Variants in CDC42BPA observed in about 807,000 individuals in gnomAD.
CDC42BPA encodes the protein serine/threonine-protein kinase MRCK alpha.
Under a neutral mutation model 223.5 loss-of-function variants are expected in CDC42BPA, and 80 were observed. The ratio of observed to expected loss-of-function variants is 0.36; its 90% confidence interval spans 0.30 to 0.43. CDC42BPA has a LOEUF of 0.43. CDC42BPA is among the 20% of genes least tolerant of loss of function. The pLI is 1.00. For synonymous variants in CDC42BPA, 694 were observed against 718.6 expected (o/e 0.97, Z 0.55); for missense variants, 1,743 against 2,099.9 (o/e 0.83, Z 3.32).
intron 2 of CDC42BPA, among the ~76,000 whole-genome samples, chr1:227,236,713 C>T (rs961960723): frequency 2.6e-5 from 4 of 152,080 alleles, no homozygotes; most frequent in African/African-American, 9.7e-5. Context: ...ACAGCCCTAC[C>T]CGATCACAAC....
chr1:227,287,119 G>C (rs954751995), intron 1 of CDC42BPA, among the ~76,000 whole-genome samples: 3 of 152,162 alleles, frequency 2.0e-5, no homozygotes, highest in Non-Finnish European at 4.4e-5. Context: ...CTACATCAAT[G>C]CTTGCTGATA....
intron 2 of CDC42BPA, among the ~76,000 whole-genome samples, chr1:227,241,956 T>C (rs1406352475): frequency 6.6e-6 from 1 of 152,124 alleles, no homozygotes; most frequent in African/African-American, 2.4e-5. Context: ...ACTTTCCAAA[T>C]TGTCTTATGA....
intron 24 of CDC42BPA, 127 bp from the exon 25 acceptor site, chr1:227,035,734 G>T: frequency 4.9e-6 from 3 of 613,440 alleles, no homozygotes; most frequent in East Asian, 6.4e-5. Context: ...TTAAATAACT[G>T]TTTTATCATT....
Position 227,033,425 on chromosome 1 carries a change from A to G in CDC42BPA, c.3477-10T>C. The G allele has an allele frequency of 1.3e-6, 2 of 1,599,202 alleles. No homozygotes were observed. The highest frequency in any genetic ancestry group is 1.7e-6 in the Non-Finnish European group (2 of 1,166,362). ...AGAAAATTCTTCATCCCTGAACGAA[A>G]AGCAAAGCATTAAAAGTTACTATAT... On this transcript the variant is annotated splice_polypyrimidine_tract_variant and intron_variant, in intron 26 of 36. Coordinates refer to ENST00000366766, the MANE Select transcript of CDC42BPA (RefSeq NM_001394014.1).
intron 5 of CDC42BPA, 39 bp downstream of exon 5, chr1:227,193,747 T>G: frequency 6.7e-7 from 1 of 1,501,140 alleles, no homozygotes; most frequent in Non-Finnish European, 9.0e-7. Flanking sequence ...AGATATTACA[T>G]GGTAACTCAC....
chr1:227,076,547 G>A (rs1352286835), intron 17 of CDC42BPA, among the ~76,000 whole-genome samples: 3 of 152,100 alleles, frequency 2.0e-5, no homozygotes, highest in South Asian at 2.1e-4. Context: ...GTGAGCCACC[G>A]CACCTGGCCC....
At position 227,273,876 on chromosome 1, in the gene CDC42BPA, CA is replaced by C. The variant is rs1411361281; in HGVS notation, c.179-19722del. Reference sequence around the variant, plus strand: ...AACAAGGAAAAAAAAAAAAAAAACACAAATAACCCAAAGCTCTTGGAACAGC... The same window carrying C: ...AACAAGGAAAAAAAAAAAAAAAACACAATAACCCAAAGCTCTTGGAACAGC... On this transcript the variant is annotated intron_variant, in intron 1 of 36. Coordinates refer to ENST00000366766, the MANE Select transcript of CDC42BPA (RefSeq NM_001394014.1). 8.4e-4 allele frequency among the ~76,000 whole-genome samples: 112 copies of C among 134,086 alleles called. 1 individual carries two copies. Among genetic ancestry groups the C allele is most frequent in the African/African-American group, 2.9e-3 (107 of 36,422 alleles). 88.0% of individuals were successfully genotyped at this position (134,086 alleles called of 152,430 possible). A position where few individuals can be genotyped will look rare whatever the true frequency, so the allele number is the denominator to read the frequency against.
chr1:227,005,852 G>T (rs979095092), intron 34 of CDC42BPA, among the ~76,000 whole-genome samples: 1 of 152,120 alleles, frequency 6.6e-6, no homozygotes, highest in African/African-American at 2.4e-5. Context: ...TAGGAAAATA[G>T]GCCACAGAAT....
chr1:227,113,384 C>T (rs1459672826), intron 12 of CDC42BPA, among the ~76,000 whole-genome samples: 5 of 152,186 alleles, frequency 3.3e-5, no homozygotes, highest in African/African-American at 7.2e-5. Context: ...AGTACCACTA[C>T]CTGCCTCCCA....
chr1:227,184,764 G>A (rs769355784), intron 5 of CDC42BPA, among the ~76,000 whole-genome samples: 26 of 150,772 alleles, frequency 1.7e-4, no homozygotes, highest in Non-Finnish European at 3.1e-4. Context: ...GAAAGAACAT[G>A]AAAAAAAAAT....
In CDC42BPA at chr1:227,199,637, C is replaced by G; in HGVS notation, c.370G>C (p.Glu124Gln). 1 of 1,602,944 alleles carries G rather than the reference C, an allele frequency of 6.2e-7. No homozygotes were observed. Among genetic ancestry groups the G allele is most frequent in the Non-Finnish European group, 8.5e-7 (1 of 1,171,752 alleles). The change falls in exon 4 of 37, where the codon GAA (glutamate) becomes CAA (glutamine). Residue 124 changes from glutamate (E) to glutamine (Q), a missense_variant. Around this residue, in one of 6 missense-constraint regions of CDC42BPA, gnomAD observed 321 missense variants for 488.7 expected, o/e 0.66. Coordinates refer to ENST00000366766, the MANE Select transcript of CDC42BPA (RefSeq NM_001394014.1). ...LKRAETACFR[E>Q]ERDVLVNGDN... ...CCATTCACTAATACATCCCTTTCTT[C>G]ACGAAAACATGCTGTCTGAAACACA... is the stretch of plus-strand genomic sequence containing the variant.
chr1:227,049,761 T>C (rs1057391278), intron 22 of CDC42BPA, among the ~76,000 whole-genome samples: 11 of 151,982 alleles, frequency 7.2e-5, no homozygotes, highest in Admixed American at 1.3e-4. Context: ...AAAGCAGAAA[T>C]AGCCATTACA....
At chr1:227,281,581 G>C (rs1296547812) in intron 1 of CDC42BPA, among the ~76,000 whole-genome samples, 1 of 152,144 alleles carries the variant, frequency 6.6e-6, no homozygotes, top group African/African-American at 2.4e-5. Context: ...AGTCTCCTGT[G>C]GCTGGTTCCC....
At chr1:227,197,376 A>G (rs1468570289) in intron 4 of CDC42BPA, among the ~76,000 whole-genome samples, 2 of 152,168 alleles carry the variant, frequency 1.3e-5, no homozygotes, top group African/African-American at 4.8e-5. Flanking sequence ...GCTCCCCTAA[A>G]GAAACACTGG....
intron 1 of CDC42BPA, among the ~76,000 whole-genome samples, chr1:227,272,032 T>C (rs1284356536): frequency 2.6e-5 from 4 of 152,212 alleles, no homozygotes; most frequent in Non-Finnish European, 5.9e-5. Context: ...TGTTTAACTC[T>C]TTCATATGTT....
intron 21 of CDC42BPA, among the ~76,000 whole-genome samples, chr1:227,053,709 T>G (rs1673994519): frequency 2.0e-5 from 3 of 152,182 alleles, no homozygotes; most frequent in Non-Finnish European, 4.4e-5. Flanking sequence ...ATTATTTCCT[T>G]TCCTGATAGT....
intron 2 of CDC42BPA, among the ~76,000 whole-genome samples, chr1:227,239,153 C>T (rs150425099): frequency 5.3e-5 from 8 of 152,250 alleles, no homozygotes; most frequent in African/African-American, 1.9e-4. Flanking sequence ...ATTCATATTA[C>T]TGAGAAAAGC....
chr1:227,079,700 A>G lies in CDC42BPA; in HGVS notation c.2480+1193T>C, dbSNP rs369218824. 3.9e-5 allele frequency among the ~76,000 whole-genome samples: 6 copies of G among 152,248 alleles called. No homozygotes were observed. The East Asian group carries it at 5.8e-4, about 15-fold the overall frequency. On this transcript the variant is annotated intron_variant, in intron 17 of 36. Coordinates refer to ENST00000366766, the MANE Select transcript of CDC42BPA (RefSeq NM_001394014.1). ...TTTATATGCACTGAATAGAAACATT[A>G]TAAGCATTAAGAGCTCTTAATGGAA... is the stretch of plus-strand genomic sequence containing the variant.
chr1:227,043,026 A>G (rs1671705881), intron 23 of CDC42BPA, among the ~76,000 whole-genome samples: 1 of 152,220 alleles, frequency 6.6e-6, no homozygotes, highest in East Asian at 1.9e-4. Flanking sequence ...TTTACTGTAG[A>G]TAATTAAACT....
Sources: allele counts gnomAD v4.1 joint callset (sites outside exome capture counted in the v4.1 genomes callset), GRCh38; gene constraint gnomAD v4.1.1; regional missense constraint gnomAD v4.1.1; transcripts MANE v1.5; gene names NCBI Gene and HGNC (gene_info 2026-07-23, HGNC 2026-07-21).